The following POFUT4 variants were observed in gnomAD, a reference collection of about 807,000 sequenced individuals.
The protein encoded by POFUT4 is GDP-fucose protein O-fucosyltransferase 4.
chr10:73,773,408 C>T, the POFUT4 span: 6 of 1,614,140 alleles, frequency 3.7e-6, no homozygotes, highest in Middle Eastern at 1.6e-4. Context: ...GCGGTTCTCC[C>T]TCTGTGAGGG....
chr10:73,772,791 ACTT>A, the POFUT4 span: 3 of 1,611,168 alleles, frequency 1.9e-6, no homozygotes, highest in East Asian at 2.2e-5. Context: ...CCCCTCAACA[ACTT>A]CTTGCTGAGC....
chr10:73,779,697 G>A, the POFUT4 span: 1 of 152,144 alleles, frequency 6.6e-6, no homozygotes, highest in Non-Finnish European at 1.5e-5. Flanking sequence ...TATTACACAA[G>A]TACAGACCTA....
the POFUT4 span, chr10:73,772,460 G>C: frequency 6.4e-7 from 1 of 1,556,428 alleles, no homozygotes; most frequent in Non-Finnish European, 8.7e-7. Context: ...GGAACCGTGG[G>C]ATGGCGCGGT....
the POFUT4 span, chr10:73,779,596 A>G: frequency 1.3e-5 from 2 of 152,234 alleles, no homozygotes; most frequent in South Asian, 2.1e-4. Context: ...AAAATTTGAT[A>G]TAGTAGGCAC....
chr10:73,772,831 T>C, the POFUT4 span: 1 of 1,612,262 alleles, frequency 6.2e-7, no homozygotes, highest in East Asian at 2.2e-5. Flanking sequence ...GCCTCTTCAA[T>C]CTTACCTCCA....
the POFUT4 span, chr10:73,772,621 C>A: frequency 6.4e-7 from 1 of 1,560,154 alleles, no homozygotes; most frequent in Non-Finnish European, 8.7e-7. Flanking sequence ...CGGAGCGCAT[C>A]GAGTGTGCGC....
the POFUT4 span, chr10:73,773,620 T>G: frequency 6.2e-7 from 1 of 1,614,278 alleles, no homozygotes; most frequent in Non-Finnish European, 8.5e-7. Context: ...GATCCTTTGC[T>G]GCCTAACTAC....
the POFUT4 span, chr10:73,772,572 G>C: frequency 1.3e-6 from 2 of 1,588,896 alleles, no homozygotes; most frequent in South Asian, 2.3e-5. Context: ...GTACTGCTGT[G>C]GTGGAGCCCA....
the POFUT4 span, among the ~76,000 whole-genome samples, chr10:73,777,556 C>CTT: frequency 7.0e-6 from 1 of 142,820 alleles, no homozygotes; most frequent in South Asian, 2.2e-4. Flanking sequence ...TTCCCTATGA[C>CTT]TTTTTTTTTT....
chr10:73,775,783 T>TG, the POFUT4 span: 1 of 1,202,616 alleles, frequency 8.3e-7, no homozygotes, highest in Non-Finnish European at 1.2e-6. Context: ...TAATGAACAC[T>TG]GTCTTTTCAT....
chr10:73,775,297 GA>G, the POFUT4 span: 1 of 922,698 alleles, frequency 1.1e-6, no homozygotes, highest in African/African-American at 1.6e-5. Flanking sequence ...TTGGGAGCCA[GA>G]AGCAGGCAAG....
At chr10:73,773,368 C>T in the POFUT4 span, 1 of 1,614,200 alleles carries the variant, frequency 6.2e-7, no homozygotes, top group Non-Finnish European at 8.5e-7. Flanking sequence ...CTGTGGCGTC[C>T]CATGCACCTG....
the POFUT4 span, chr10:73,775,686 G>A: frequency 6.2e-7 from 1 of 1,614,158 alleles, no homozygotes; most frequent in Middle Eastern, 1.6e-4. Flanking sequence ...ACATCTCTAA[G>A]TGCCCTTGCA....
At chr10:73,773,919 T>TC in the POFUT4 span, 2 of 1,251,148 alleles carry the variant, frequency 1.6e-6, no homozygotes, top group Non-Finnish European at 2.2e-6. Flanking sequence ...GAGGAAATTA[T>TC]CACATGGGCT....
chr10:73,775,941 T>C, the POFUT4 span: 1 of 489,622 alleles, frequency 2.0e-6, no homozygotes, highest in Non-Finnish European at 3.7e-6. Flanking sequence ...TCCATTTGAT[T>C]CAAGGTGCTG....
chr10:73,780,134 CTT>C, the POFUT4 span: 6 of 152,194 alleles, frequency 3.9e-5, no homozygotes. Flanking sequence ...TGATAGGAGT[CTT>C]TTAATTATAC....
the POFUT4 span, chr10:73,773,656 G>C: frequency 6.2e-7 from 1 of 1,614,242 alleles, no homozygotes; most frequent in Non-Finnish European, 8.5e-7. Context: ...TGTTTCGTCT[G>C]TGACTACGAA....
At chr10:73,773,631 C>T in the POFUT4 span, 1 of 1,614,258 alleles carries the variant, frequency 6.2e-7, no homozygotes, top group Non-Finnish European at 8.5e-7. Context: ...GCCTAACTAC[C>T]TCAACGGCTT....
At chr10:73,772,977 A>G in the POFUT4 span, 27 of 1,601,512 alleles carry the variant, frequency 1.7e-5, no homozygotes, top group African/African-American at 1.3e-5. Flanking sequence ...CTCTATCTGC[A>G]GTCACACTGC....
Sources: gnomAD v4.1 joint callset for allele counts (sites outside exome capture counted in the v4.1 genomes callset) on GRCh38, gnomAD v4.1.1 for gene constraint, MANE v1.5 for transcripts, NCBI Gene and HGNC (gene_info 2026-07-23, HGNC 2026-07-21) for gene names.